Variants in PTCRA observed in about 807,000 individuals in gnomAD.
PTCRA encodes the protein pre T-cell antigen receptor alpha.
A neutral mutation model predicts 13.4 loss-of-function variants in PTCRA; 9 were observed. The observed-to-expected ratio is 0.67, with a 90% CI of 0.41 to 1.18. The LOEUF is 1.18. Ranked by LOEUF, PTCRA falls within the 50% of genes most tolerant of loss-of-function variation. PTCRA has a pLI of 0.01. For synonymous variants in PTCRA, 153 were observed against 161.9 expected (o/e 0.94, Z 0.42); for missense variants, 353 against 359.8 (o/e 0.98, Z 0.15).
chr6:42,925,521 C>G lies in PTCRA; in HGVS notation c.685C>G (p.Pro229Ala), dbSNP rs184524047. Residue 229 changes from proline (P) to alanine (A), a missense_variant, in exon 4 of 4, where the codon CCC becomes GCC. Coordinates refer to ENST00000304672, the MANE Select transcript of PTCRA (RefSeq NM_138296.3). This position sits in a 1 kb window ranked among gnomAD's most constrained non-coding sequence, Gnocchi z 4.4. ...GGGTGACACCCCTCCGGGTCGGAAG[C>G]CCGGGAGCCCAGTATGGGGGGAAGG... ...RWGDTPPGRKPGSPVWGEGSY... is the reference protein window; with the variant it reads ...RWGDTPPGRKAGSPVWGEGSY... The G allele has an allele frequency of 4.4e-6, 7 of 1,579,104 alleles. No homozygotes were observed. The Admixed American group carries it at 1.1e-4, about 25-fold the overall frequency.
rs768971560 is a variant in PTCRA, at chr6:42,925,628, T to C, written c.792T>C (p.Leu264=). The part of the protein sequence containing the change: ...RSALRAPSSS[L]GAFFAGDLPP... ...CCCTCAGGGCTCCTTCCTCCAGTCT[T>C]GGAGCATTTTTTGCAGGTGACCTGC... The change falls in exon 4 of 4, where the codon CTT becomes CTC. Residue 264 remains leucine, a synonymous_variant. Transcript: ENST00000304672. This position sits in a 1 kb window ranked among gnomAD's most constrained non-coding sequence, Gnocchi z 4.4. 8 of 1,564,970 alleles carry C rather than the reference T, an allele frequency of 5.1e-6. No individual in the cohort carries two copies. Among genetic ancestry groups the C allele is most frequent in the Admixed American group, 1.9e-5 (1 of 51,832 alleles).
In PTCRA at chr6:42,917,018, C is replaced by T. The variant is rs570281104; in HGVS notation, c.58+891C>T. On this transcript the variant is annotated intron_variant, in intron 1 of 3. Transcript: ENST00000304672. ...CTCTATCTATATAACTGAAAAGGCTCTGGAGGTTGAGTCCTGGAGCTCGTG... is the reference window on the plus strand; with the variant it reads ...CTCTATCTATATAACTGAAAAGGCTTTGGAGGTTGAGTCCTGGAGCTCGTG... 2.0e-5 allele frequency among the ~76,000 whole-genome samples: 3 copies of T among 152,182 alleles called. No homozygotes were observed. In the South Asian group the frequency reaches 6.2e-4, roughly 32 times the overall value.
At chr6:42,920,247 G>A (rs1030838660) in intron 1 of PTCRA, among the ~76,000 whole-genome samples, 1 of 151,436 alleles carries the variant, frequency 6.6e-6, no homozygotes, top group Non-Finnish European at 1.5e-5. Flanking sequence ...GTGAACCCGG[G>A]AGGCGGAGCT....
intron 1 of PTCRA, among the ~76,000 whole-genome samples, chr6:42,916,966 G>A (rs530571038): frequency 4.6e-5 from 7 of 152,172 alleles, no homozygotes; most frequent in East Asian, 3.9e-4. Flanking sequence ...TGGAAGAAGT[G>A]GAAGCTGAAC....
chr6:42,921,957 A>G (rs1767190421), intron 1 of PTCRA, among the ~76,000 whole-genome samples: 1 of 151,664 alleles, frequency 6.6e-6, no homozygotes, highest in Non-Finnish European at 1.5e-5. Flanking sequence ...CCCAGAAGGC[A>G]GAGGTTGCAG....
Position 42,918,829 on chromosome 6 carries a change from G to A in PTCRA, c.58+2702G>A, listed in dbSNP as rs112665007. The stretch of plus-strand genomic sequence containing the variant: ...TTTTGAGACAGAGTCTCGCACTGTC[G>A]CCCAGGCTGGAGTGCAGTGGTGCAA... On this transcript the variant is annotated intron_variant, in intron 1 of 3. Transcript: ENST00000304672. Among the ~76,000 whole-genome samples the A allele has an allele frequency of 2.4e-3, 345 of 142,894 alleles. 1 individual carries two copies. The highest frequency in any genetic ancestry group is 4.1e-3 in the Non-Finnish European group (270 of 66,550). 93.7% of individuals were successfully genotyped at this position (142,894 alleles called of 152,430 possible).
rs1305870952 is a variant in PTCRA, at chr6:42,925,536, T to TG, written c.706dup (p.Glu236GlyfsTer36). 11 of 1,589,188 alleles carry TG rather than the reference T, an allele frequency of 6.9e-6. No individual in the cohort carries two copies. The highest frequency in any genetic ancestry group is 1.7e-4 in the Middle Eastern group (1 of 6,050). ...GGGTCGGAAGCCCGGGAGCCCAGTATGGGGGGAAGGGTCTTACCTCAGCAG... is the reference window on the plus strand; with the variant it reads ...GGGTCGGAAGCCCGGGAGCCCAGTATGGGGGGGAAGGGTCTTACCTCAGCAG... On this transcript the variant is annotated frameshift_variant, in exon 4 of 4. Coordinates refer to ENST00000304672, the MANE Select transcript of PTCRA (RefSeq NM_138296.3). LOFTEE classifies it low-confidence loss of function (END_TRUNC). This position sits in a 1 kb window ranked among gnomAD's most constrained non-coding sequence, Gnocchi z 4.4.
intron 1 of PTCRA, among the ~76,000 whole-genome samples, chr6:42,921,016 C>G (rs1234911073): frequency 1.3e-5 from 2 of 151,844 alleles, no homozygotes; most frequent in East Asian, 3.9e-4. Flanking sequence ...AGGGTGTTCT[C>G]GAACTCCTGA....
At chr6:42,921,059 AG>A (rs199736819) in intron 1 of PTCRA, among the ~76,000 whole-genome samples, 6,750 of 151,614 alleles carry the variant, frequency 0.045, 483 homozygotes, top group African/African-American at 0.15. Flanking sequence ...GGCCCCCCAA[AG>A]TGCTGGGATT....
intron 1 of PTCRA, among the ~76,000 whole-genome samples, chr6:42,922,642 A>T (rs1767237297): frequency 6.6e-6 from 1 of 151,926 alleles, no homozygotes; most frequent in African/African-American, 2.4e-5. Context: ...CAGGAGGCTG[A>T]GGCAGGAGAA....
chr6:42,922,739 C>CAAA lies in PTCRA; in HGVS notation c.59-276_59-274dup, dbSNP rs575063807. ...TGGGCAACAGAGCAAAATTCCATCT[C>CAAA]AAAAAAAAAAAAAAGAAAGAAAGAA... On this transcript the variant is annotated intron_variant, in intron 1 of 3. Coordinates refer to ENST00000304672, the MANE Select transcript of PTCRA (RefSeq NM_138296.3). Among the ~76,000 whole-genome samples, 37 of 85,602 alleles carry CAAA rather than the reference C, an allele frequency of 4.3e-4. No homozygotes were observed. The South Asian group carries it at 0.01, about 24-fold the overall frequency. The allele number at this position is 85,602 out of a possible 152,430, so 56.2% of individuals were successfully genotyped here.
Position 42,925,744 on chromosome 6 carries a change from G to A in PTCRA, c.*62G>A. 1 of 1,230,798 alleles carries A rather than the reference G, an allele frequency of 8.1e-7. No homozygotes were observed. The highest frequency in any genetic ancestry group is 1.1e-6 in the Non-Finnish European group (1 of 904,836). The allele number at this position is 1,230,798 out of a possible 1,614,324, so 76.2% of individuals were successfully genotyped here. ...AGGCTGTGTCTCTGCCATCCAAAAG[G>A]GGGCCCCTTGAGAATGGTGATCCAC... On this transcript the variant is annotated 3_prime_UTR_variant, in exon 4 of 4. Transcript: ENST00000304672. The surrounding 1 kb of genome is among the most constrained non-coding windows in gnomAD (Gnocchi z 4.4).
chr6:42,923,610 C>T (rs879796804), intron 2 of PTCRA, among the ~76,000 whole-genome samples: 6 of 152,214 alleles, frequency 3.9e-5, no homozygotes, highest in Non-Finnish European at 5.9e-5. Context: ...ACCTAGGATT[C>T]ATTATACACA....
Position 42,923,031 on chromosome 6 carries a change from G to A in PTCRA, c.63G>A (p.Val21=), listed in dbSNP as rs1267786368. The part of the protein sequence containing the change: ...ALGCPALPTG[V]GGTPFPSLAP... ...CAGGTACATGCTCTCTTGCAGGTGTGGGCGGCACACCCTTTCCTTCTCTGG... is the reference window on the plus strand; with the variant it reads ...CAGGTACATGCTCTCTTGCAGGTGTAGGCGGCACACCCTTTCCTTCTCTGG... Residue 21 remains valine, a synonymous_variant, in exon 2 of 4, where the codon GTG becomes GTA. Transcript: ENST00000304672. 1.9e-6 allele frequency: 3 copies of A among 1,614,102 alleles called. No homozygotes were observed. In the Admixed American group the frequency reaches 5.0e-5, roughly 27 times the overall value.
intron 1 of PTCRA, among the ~76,000 whole-genome samples, chr6:42,920,983 G>A (rs1443936283): frequency 4.6e-5 from 7 of 151,904 alleles, no homozygotes; most frequent in Non-Finnish European, 8.8e-5. Flanking sequence ...TTTTAGTAGA[G>A]ATGGGGTTTC....
rs1188755960 is a variant in PTCRA, at chr6:42,925,234, G to A, written c.425-27G>A. On this transcript the variant is annotated intron_variant, in intron 3 of 3. Transcript: ENST00000304672. The surrounding 1 kb of genome is among the most constrained non-coding windows in gnomAD (Gnocchi z 4.4). ...GGGGTAGGGGGCTGCGGGCTCCTGC[G>A]GGCTCCTGAGCGGTTCCTCCTCGCA... The A allele has an allele frequency of 2.9e-5, 46 of 1,569,294 alleles. No homozygotes were observed. Among genetic ancestry groups the A allele is most frequent in the Middle Eastern group, 1.9e-4 (1 of 5,134 alleles).
At chr6:42,922,956 G>A (rs1767256779) in intron 1 of PTCRA, 71 bp from the exon 2 acceptor site, 44 of 1,408,266 alleles carry the variant, frequency 3.1e-5, no homozygotes, top group Non-Finnish European at 4.3e-5. Context: ...TAGAACCCTA[G>A]CCTACAACAC....
chr6:42,921,733 CAAAA>C (rs371462556), intron 1 of PTCRA, among the ~76,000 whole-genome samples: 3 of 88,158 alleles, frequency 3.4e-5, no homozygotes, highest in Non-Finnish European at 4.6e-5. Flanking sequence ...CTTTTTTTTT[CAAAA>C]AAAAAAAAAA....
chr6:42,922,518 G>A (rs1466473324), intron 1 of PTCRA, among the ~76,000 whole-genome samples: 1 of 152,104 alleles, frequency 6.6e-6, no homozygotes, highest in African/African-American at 2.4e-5. Flanking sequence ...GGAGGACGAG[G>A]CGGGTGGATC....
Sources: allele counts gnomAD v4.1 joint callset (sites outside exome capture counted in the v4.1 genomes callset), GRCh38; gene constraint gnomAD v4.1.1; non-coding constraint Gnocchi (gnomAD v3.1); transcripts MANE v1.5; gene names NCBI Gene and HGNC (gene_info 2026-07-23, HGNC 2026-07-21).